ELMO1: variants seen among roughly 807,000 people sequenced by gnomAD.
ELMO1 encodes engulfment and cell motility 1, also known as engulfment and cell motility protein 1.
In ELMO1, 26 loss-of-function variants were observed where a neutral mutation model predicts 98.9. The ratio of observed to expected loss-of-function variants is 0.26; its 90% CI spans 0.19 to 0.36. The LOEUF is 0.36. Ranked by LOEUF, ELMO1 falls within the 10% of genes least tolerant of loss-of-function variation. The pLI is 1.00. For synonymous variants in ELMO1, 346 were observed against 346.0 expected, an observed-to-expected ratio of 1.00 and a Z score of 0.00; for missense variants, 627 against 935.2, an observed-to-expected ratio of 0.67 and a Z score of 4.30.
At chr7:37,354,723 G>A (rs1435416549) in intron 1 of ELMO1, among the ~76,000 whole-genome samples, 1 of 152,202 alleles carries the variant, frequency 6.6e-6, no homozygotes, top group Non-Finnish European at 1.5e-5. Context: ...GATGTGTGCA[G>A]ACAGTCCCCA....
intron 15 of ELMO1, among the ~76,000 whole-genome samples, chr7:37,046,925 A>G (rs1451607433): frequency 6.6e-6 from 1 of 152,232 alleles, no homozygotes; most frequent in Non-Finnish European, 1.5e-5. Context: ...CACTGGAACA[A>G]CTCACTATGT....
chr7:37,016,479 T>C (rs1436097371), intron 15 of ELMO1, among the ~76,000 whole-genome samples: 1 of 152,172 alleles, frequency 6.6e-6, no homozygotes, highest in African/African-American at 2.4e-5. Context: ...GGCTTCCTCC[T>C]TTAGTTGACA....
chr7:37,438,664 G>A (rs988050595), intron 1 of ELMO1, among the ~76,000 whole-genome samples: 4 of 151,520 alleles, frequency 2.6e-5, no homozygotes, highest in Non-Finnish European at 4.4e-5. Flanking sequence ...CCAACCCAAC[G>A]CTTTTAGGGT....
At chr7:37,167,342 AAAGTT>A (rs1789785102) in intron 13 of ELMO1, among the ~76,000 whole-genome samples, 2 of 152,252 alleles carry the variant, frequency 1.3e-5, no homozygotes, top group Admixed American at 1.3e-4. Flanking sequence ...ATTTACATTT[AAAGTT>A]AATAGTGTTA....
intron 15 of ELMO1, among the ~76,000 whole-genome samples, chr7:37,075,406 C>T (rs918265705): frequency 6.6e-6 from 1 of 151,938 alleles, no homozygotes; most frequent in African/African-American, 2.4e-5. Context: ...CCACCCGCCT[C>T]AGCCTCCCAA....
chr7:37,197,824 T>G (rs1428387290), intron 13 of ELMO1, among the ~76,000 whole-genome samples: 1 of 152,164 alleles, frequency 6.6e-6, no homozygotes, highest in African/African-American at 2.4e-5. Flanking sequence ...AGGTGCTGGA[T>G]GCCTATAACT....
At chr7:36,935,196 G>A (rs1044022256) in intron 16 of ELMO1, among the ~76,000 whole-genome samples, 5 of 152,200 alleles carry the variant, frequency 3.3e-5, no homozygotes, top group African/African-American at 1.2e-4. Context: ...GAGATCAGAT[G>A]GTTTTATAAG....
At chr7:37,443,360 A>T (rs1805486585) in intron 1 of ELMO1, among the ~76,000 whole-genome samples, 1 of 152,186 alleles carries the variant, frequency 6.6e-6, no homozygotes. Flanking sequence ...TTCTGTTCAG[A>T]TTCTGGAAAT....
At chr7:37,103,008 T>G (rs920922897) in intron 14 of ELMO1, among the ~76,000 whole-genome samples, 27 of 152,316 alleles carry the variant, frequency 1.8e-4, no homozygotes, top group African/African-American at 6.0e-4. Flanking sequence ...ACATATCCCT[T>G]AACCTCAGTT....
chr7:36,989,672 T>A (rs1008431535), intron 16 of ELMO1, among the ~76,000 whole-genome samples: 5 of 152,196 alleles, frequency 3.3e-5, no homozygotes, highest in Non-Finnish European at 5.9e-5. Flanking sequence ...AAATCCTGGT[T>A]GTATCATATA....
At chr7:37,136,897 A>G (rs1432522090) in intron 13 of ELMO1, among the ~76,000 whole-genome samples, 1 of 152,230 alleles carries the variant, frequency 6.6e-6, no homozygotes, top group Non-Finnish European at 1.5e-5. Flanking sequence ...AGCACAATGA[A>G]TAGAACAGTA....
intron 14 of ELMO1, among the ~76,000 whole-genome samples, chr7:37,100,165 T>G (rs1482069529): frequency 2.6e-5 from 4 of 152,220 alleles, no homozygotes; most frequent in African/African-American, 9.7e-5. Context: ...GTAGGTTTCA[T>G]GTCTAAAGAA....
intron 15 of ELMO1, among the ~76,000 whole-genome samples, chr7:37,039,279 T>C (rs560937082): frequency 6.6e-6 from 1 of 152,300 alleles, no homozygotes; most frequent in Admixed American, 6.5e-5. Flanking sequence ...GTTTTCTCTG[T>C]TTCAAAATGC....
chr7:37,340,332 G>A (rs1800648259), intron 2 of ELMO1, among the ~76,000 whole-genome samples: 1 of 152,154 alleles, frequency 6.6e-6, no homozygotes, highest in Admixed American at 6.5e-5. Flanking sequence ...CCATCAAATG[G>A]TTCAGAAAAA....
chr7:37,174,491 C>T (rs1417089155), intron 13 of ELMO1, among the ~76,000 whole-genome samples: 2 of 152,184 alleles, frequency 1.3e-5, no homozygotes, highest in African/African-American at 4.8e-5. Flanking sequence ...TGCCCCTGGG[C>T]TCCTGGACAC....
chr7:36,907,647 TG>T lies in ELMO1; in HGVS notation c.1438-12631del, dbSNP rs1466621820. Among the ~76,000 whole-genome samples, 10 of 152,340 alleles carry T rather than the reference TG, an allele frequency of 6.6e-5. No individual in the cohort carries two copies. In the South Asian group the frequency reaches 1.0e-3, roughly 16 times the overall value. The stretch of plus-strand genomic sequence containing the variant: ...ACAGCTGTGAAGCCAGTTATTGCAA[TG>T]GTTTCCAGAAATCTGCTGGGTCTCC... On this transcript the variant is annotated intron_variant, in intron 16 of 21. Coordinates refer to ENST00000310758, the MANE Select transcript of ELMO1 (RefSeq NM_014800.11).
chr7:37,211,586 T>TA lies in ELMO1; in HGVS notation c.955-70dup, dbSNP rs1164784709. ...TGCTTTCATTGTGTGACATTACATA[T>TA]ACTCCCTCTTTCCCTGGGGTCTAAA... On this transcript the variant is annotated intron_variant, in intron 12 of 21. Coordinates refer to ENST00000310758, the MANE Select transcript of ELMO1 (RefSeq NM_014800.11). The TA allele has an allele frequency of 1.0e-5, 16 of 1,562,402 alleles. No individual in the cohort carries two copies. The South Asian group carries it at 1.9e-4, about 19-fold the overall frequency.
chr7:36,866,551 C>T (rs1037064963), intron 20 of ELMO1, among the ~76,000 whole-genome samples: 3 of 152,192 alleles, frequency 2.0e-5, no homozygotes, highest in Non-Finnish European at 4.4e-5. Context: ...GTTCTCAGGG[C>T]CCTGCTGGGA....
chr7:37,103,269 G>C (rs1287396612), intron 14 of ELMO1, among the ~76,000 whole-genome samples: 2 of 152,118 alleles, frequency 1.3e-5, no homozygotes, highest in Non-Finnish European at 2.9e-5. Context: ...AACAAAACAT[G>C]GTTGCTGTAG....
Sources: gnomAD v4.1 joint callset for allele counts (sites outside exome capture counted in the v4.1 genomes callset) on GRCh38, gnomAD v4.1.1 for gene constraint, MANE v1.5 for transcripts, NCBI Gene and HGNC (gene_info 2026-07-23, HGNC 2026-07-21) for gene names.